The following GAS7 variants were observed in gnomAD, a reference collection of about 807,000 sequenced individuals.
GAS7 encodes growth arrest specific 7.
A neutral mutation model predicts 71.1 loss-of-function variants in GAS7; 28 were observed. That is an observed-to-expected ratio of 0.39 (90% CI 0.29 to 0.54). The LOEUF is 0.54. GAS7 is among the 20% of genes least tolerant of loss of function. The pLI, the probability that GAS7 is intolerant of heterozygous loss-of-function variation, is 0.62. For synonymous variants in GAS7, 258 were observed against 245.8 expected, an observed-to-expected ratio of 1.05 and a Z score of -0.46; for missense variants, 436 against 627.8, an observed-to-expected ratio of 0.69 and a Z score of 3.27.
intron 1 of GAS7, among the ~76,000 whole-genome samples, chr17:10,152,751 T>G (rs2074176019): frequency 6.6e-6 from 1 of 152,070 alleles, no homozygotes; most frequent in South Asian, 2.1e-4. Flanking sequence ...GCCGCTTAGG[T>G]GCCTCCTCCC....
At chr17:10,092,663 C>A (rs961456168) in intron 1 of GAS7, among the ~76,000 whole-genome samples, 2 of 152,198 alleles carry the variant, frequency 1.3e-5, no homozygotes, top group African/African-American at 4.8e-5. Flanking sequence ...TTTTCTCTTA[C>A]AATATTCTGA....
rs369904728 is a variant in GAS7 at position 10,121,777 on chromosome 17, T to C, written c.183+76431A>G. Among the ~76,000 whole-genome samples the C allele has an allele frequency of 3.0e-4, 45 of 152,268 alleles. 1 individual carries two copies. In the South Asian group the frequency reaches 7.9e-3, roughly 27 times the overall value. ...TCAGACCACCAAGCATGCTTCCCTG[T>C]ACCCCGTCAACCTCTCCCTTGGGCT... On this transcript the variant is annotated intron_variant, in intron 1 of 13. Coordinates refer to ENST00000432992, the MANE Select transcript of GAS7 (RefSeq NM_201433.2).
intron 1 of GAS7, among the ~76,000 whole-genome samples, chr17:10,021,491 C>T (rs537644892): frequency 6.6e-6 from 1 of 152,228 alleles, no homozygotes; most frequent in African/African-American, 2.4e-5. Context: ...TGCGTAGCTG[C>T]GGTGTAAGTT....
chr17:9,944,202 G>A (rs569003702), intron 6 of GAS7, among the ~76,000 whole-genome samples: 2 of 152,236 alleles, frequency 1.3e-5, no homozygotes, highest in African/African-American at 4.8e-5. Flanking sequence ...CTGCCCGCAC[G>A]GCCGTGGCTG....
At chr17:10,167,524 G>T (rs545473910) in intron 1 of GAS7, among the ~76,000 whole-genome samples, 14 of 151,698 alleles carry the variant, frequency 9.2e-5, no homozygotes, top group African/African-American at 3.4e-4. Context: ...ATGGTGGCTT[G>T]GCTCATATCC....
chr17:10,174,609 G>A (rs926047077), intron 1 of GAS7, among the ~76,000 whole-genome samples: 6 of 151,974 alleles, frequency 3.9e-5, no homozygotes, highest in Admixed American at 6.6e-5. Flanking sequence ...GGAGAATGGC[G>A]TGAACCCAGG....
intron 1 of GAS7, among the ~76,000 whole-genome samples, chr17:10,028,469 G>A (rs965963948): frequency 5.9e-5 from 9 of 152,270 alleles, no homozygotes; most frequent in Non-Finnish European, 8.8e-5. Context: ...AATATGTATT[G>A]TTTATTTTAT....
At chr17:10,046,861 A>AAAAAG (rs1225430290) in intron 1 of GAS7, among the ~76,000 whole-genome samples, 1 of 107,060 alleles carries the variant, frequency 9.3e-6, no homozygotes, top group Non-Finnish European at 1.8e-5. Context: ...AAAGAAAAGA[A>AAAAAG]AAAAGAAAAG....
At chr17:10,081,940 C>T (rs1047272015) in intron 1 of GAS7, among the ~76,000 whole-genome samples, 4 of 152,126 alleles carry the variant, frequency 2.6e-5, no homozygotes, top group Non-Finnish European at 5.9e-5. Flanking sequence ...GGCCGGTACA[C>T]GAGGGGACAG....
chr17:10,105,755 C>G (rs1296199555), intron 1 of GAS7, among the ~76,000 whole-genome samples: 5 of 152,144 alleles, frequency 3.3e-5, no homozygotes, highest in African/African-American at 2.4e-5. Flanking sequence ...CTAGCTCATG[C>G]CTTTCTTGTT....
chr17:10,102,068 T>C (rs1265065298), intron 1 of GAS7, among the ~76,000 whole-genome samples: 10 of 152,058 alleles, frequency 6.6e-5, no homozygotes, highest in Non-Finnish European at 1.5e-4. Flanking sequence ...GGTCATTGTT[T>C]AGCTCAGAGA....
At chr17:9,998,168 C>T (rs1320241204) in intron 2 of GAS7, among the ~76,000 whole-genome samples, 4 of 152,188 alleles carry the variant, frequency 2.6e-5, no homozygotes, top group African/African-American at 7.2e-5. Flanking sequence ...TAGGGGATCC[C>T]AGACACCCAT....
intron 1 of GAS7, among the ~76,000 whole-genome samples, chr17:10,064,527 T>C (rs1224416860): frequency 6.6e-6 from 1 of 152,216 alleles, no homozygotes; most frequent in Non-Finnish European, 1.5e-5. Context: ...ACCACGGTAC[T>C]AGTTCACGAA....
At position 10,128,542 on chromosome 17, in the gene GAS7, A is replaced by G. The variant is rs955595992; in HGVS notation, c.183+69666T>C. On this transcript the variant is annotated intron_variant, in intron 1 of 13. Coordinates refer to ENST00000432992, the MANE Select transcript of GAS7 (RefSeq NM_201433.2). Reference sequence around the variant, plus strand: ...TTAACTAGGCCAGAACATAAAACCCAGCATTTCATTACTTACATTTATGCA... The same window carrying G: ...TTAACTAGGCCAGAACATAAAACCCGGCATTTCATTACTTACATTTATGCA... 3.9e-5 allele frequency among the ~76,000 whole-genome samples: 6 copies of G among 152,248 alleles called. 1 individual carries two copies.
At chr17:10,088,798 A>T (rs1411964020) in intron 1 of GAS7, among the ~76,000 whole-genome samples, 1 of 152,106 alleles carries the variant, frequency 6.6e-6, no homozygotes, top group Non-Finnish European at 1.5e-5. Context: ...CAGAGCAGGG[A>T]AAAGCTAGGA....
chr17:10,158,335 G>GT (rs200205312), intron 1 of GAS7, among the ~76,000 whole-genome samples: 28,226 of 97,990 alleles, frequency 0.29, 3,062 homozygotes, highest in African/African-American at 0.4. Flanking sequence ...TCTTTTTTTG[G>GT]TAAAAAAAAA....
In GAS7 at chr17:10,094,518, T is replaced by G. The variant is rs551802438; in HGVS notation, c.184-74621A>C. On this transcript the variant is annotated intron_variant, in intron 1 of 13. Transcript: ENST00000432992. ...GAGTCTTGCTCTGTAGCACAGGCTG[T>G]AGTGCAGCGGCGCGATCTCGGCTCA... 1.6e-4 allele frequency among the ~76,000 whole-genome samples: 24 copies of G among 152,228 alleles called. 1 individual carries two copies. In the South Asian group the frequency reaches 4.6e-3, roughly 29 times the overall value.
rs548897122 is a variant in GAS7, at chr17:9,981,667, C to T, written c.385+137G>A. On this transcript the variant is annotated intron_variant, in intron 3 of 13. Transcript: ENST00000432992. This position sits in a 1 kb window ranked among gnomAD's most constrained non-coding sequence, Gnocchi z 4.4. ...CCTGCTTGGCAGCAGGCCTAAGGGA[C>T]CCTCTCCCAGGCCCAACCCCTCCCT... is the stretch of plus-strand genomic sequence containing the variant. 9.9e-4 allele frequency: 645 copies of T among 652,968 alleles called. 2 individuals carry two copies. The highest frequency in any genetic ancestry group is 2.2e-3 in the Middle Eastern group (5 of 2,256). The allele number at this position is 652,968 out of a possible 1,614,324, so 40.4% of individuals were successfully genotyped here.
chr17:9,993,481 C>G (rs575495426), intron 2 of GAS7, among the ~76,000 whole-genome samples: 6 of 152,296 alleles, frequency 3.9e-5, no homozygotes, highest in Non-Finnish European at 8.8e-5. Context: ...ATTCAACAAC[C>G]CTTCATGCTA....
Sources: allele counts gnomAD v4.1 joint callset (sites outside exome capture counted in the v4.1 genomes callset), GRCh38; gene constraint gnomAD v4.1.1; non-coding constraint Gnocchi (gnomAD v3.1); transcripts MANE v1.5; gene names NCBI Gene and HGNC (gene_info 2026-07-23, HGNC 2026-07-21).